ROBO2: variants seen among roughly 807,000 people sequenced by gnomAD.
ROBO2 encodes roundabout guidance receptor 2.
Under a neutral mutation model 160.8 loss-of-function variants are expected in ROBO2, and 53 were observed. The observed-to-expected ratio is 0.33, with a 90% CI of 0.26 to 0.41. The LOEUF (loss-of-function observed/expected upper bound fraction) is 0.41, where lower values mean the gene tolerates loss of function less well. Ranked by LOEUF, ROBO2 falls within the 10% of genes least tolerant of loss-of-function variation. ROBO2 has a pLI of 1.00. For missense variants in ROBO2, 1,577 were observed against 1,722.4 expected, an observed-to-expected ratio of 0.92 and a Z score of 1.49; for synonymous variants, 664 against 611.7, an observed-to-expected ratio of 1.09 and a Z score of -1.26.
chr3:76,608,804 C>T lies in ROBO2; in HGVS notation c.110-489210C>T, dbSNP rs2087855704. Among the ~76,000 whole-genome samples, 3 of 152,006 alleles carry T rather than the reference C, an allele frequency of 2.0e-5. 1 individual carries two copies. In the South Asian group the frequency reaches 6.2e-4, roughly 31 times the overall value. On this transcript the variant is annotated intron_variant, in intron 2 of 26. Coordinates refer to the ROBO2 transcript ENST00000487694. ...ATATGGATATCCAGTTTTTCCAGCA[C>T]CTTGTATTTTTTAAATTTTCATAGT...
rs2078083790 is a variant in ROBO2, at chr3:77,157,122, A to G, written c.388+58782A>G. The stretch of plus-strand genomic sequence containing the variant: ...GTTTGATACACACTAAATGTAGAAA[A>G]CCATATTGTTATACCACTGATTATA... On this transcript the variant is annotated intron_variant, in intron 2 of 25. Transcript: ENST00000461745. 1.3e-5 allele frequency among the ~76,000 whole-genome samples: 2 copies of G among 151,972 alleles called. 1 individual carries two copies. The highest frequency in any genetic ancestry group is 4.8e-5 in the African/African-American group (2 of 41,408).
intron 2 of ROBO2, among the ~76,000 whole-genome samples, chr3:76,065,129 T>G (rs2107916286): frequency 6.6e-6 from 1 of 152,198 alleles, no homozygotes; most frequent in South Asian, 2.1e-4. Context: ...AACGAAAAAT[T>G]TGGAGCCCAT....
intron 2 of ROBO2, among the ~76,000 whole-genome samples, chr3:76,577,106 G>A (rs1247914606): frequency 2.0e-5 from 3 of 151,962 alleles, no homozygotes; most frequent in Non-Finnish European, 2.9e-5. Flanking sequence ...TGGATTTTTG[G>A]TTTGAGGCTT....
chr3:77,207,774 A>G (rs2083614190), intron 2 of ROBO2, among the ~76,000 whole-genome samples: 1 of 152,188 alleles, frequency 6.6e-6, no homozygotes, highest in Middle Eastern at 3.2e-3. Context: ...AGTTAATGTG[A>G]GGCAATTGCA....
chr3:77,548,454 A>T (rs12491442), intron 7 of ROBO2, among the ~76,000 whole-genome samples: 115,304 of 151,894 alleles, frequency 0.76, 44,024 homozygotes, highest in African/African-American at 0.82. Context: ...TTATAATGTG[A>T]CTTGTTATTA....
At chr3:76,846,371 C>T (rs1205038069) in intron 2 of ROBO2, among the ~76,000 whole-genome samples, 1 of 151,916 alleles carries the variant, frequency 6.6e-6, no homozygotes, top group Non-Finnish European at 1.5e-5. Flanking sequence ...GATATTTGGC[C>T]CAAATTTTAC....
At position 77,391,414 on chromosome 3, in the gene ROBO2, G is replaced by A. The variant is rs752528123; in HGVS notation, c.389-86000G>A. 1.6e-4 allele frequency among the ~76,000 whole-genome samples: 24 copies of A among 151,824 alleles called. 1 individual carries two copies. Among genetic ancestry groups the A allele is most frequent in the Middle Eastern group, 3.4e-3 (1 of 294 alleles). ...CTCAACCTCCCCACCTCAAGCTGTC[G>A]TCCCAACTCAACCCCCAAGTAGCTT... On this transcript the variant is annotated intron_variant, in intron 2 of 25. Transcript: ENST00000461745.
intron 2 of ROBO2, among the ~76,000 whole-genome samples, chr3:76,332,280 T>A (rs934638474): frequency 2.0e-5 from 3 of 152,172 alleles, no homozygotes; most frequent in African/African-American, 7.2e-5. Flanking sequence ...TAACACCAAT[T>A]TGCTTTATGT....
chr3:76,955,847 G>T (rs1238636258), intron 2 of ROBO2, among the ~76,000 whole-genome samples: 1 of 147,500 alleles, frequency 6.8e-6, no homozygotes, highest in Admixed American at 6.8e-5. Context: ...AGAATCCCTT[G>T]AACCCGGGAG....
chr3:77,478,580 A>T (rs2084315529), intron 3 of ROBO2, among the ~76,000 whole-genome samples: 1 of 152,340 alleles, frequency 6.6e-6, no homozygotes. Flanking sequence ...GAACCAACCC[A>T]CAGAAATAGT....
intron 1 of ROBO2, among the ~76,000 whole-genome samples, chr3:77,097,730 C>A (rs2071281983): frequency 6.6e-6 from 1 of 152,038 alleles, no homozygotes; most frequent in African/African-American, 2.4e-5. Flanking sequence ...CCATGCTGAT[C>A]CCAGAAGAAC....
chr3:76,380,837 G>C (rs1444292398), intron 2 of ROBO2, among the ~76,000 whole-genome samples: 1 of 151,978 alleles, frequency 6.6e-6, no homozygotes, highest in Non-Finnish European at 1.5e-5. Context: ...TATGAAGAAA[G>C]GTATGAGATA....
intron 2 of ROBO2, among the ~76,000 whole-genome samples, chr3:77,453,845 T>C (rs1186603878): frequency 6.6e-6 from 1 of 152,112 alleles, no homozygotes; most frequent in Non-Finnish European, 1.5e-5. Flanking sequence ...ACTGCCAAAA[T>C]CAAAACCAAA....
In ROBO2 at chr3:76,887,193, C is replaced by CCTTTTTTTTTT. The variant is rs1178064382; in HGVS notation, c.110-210821_110-210820insCTTTTTTTTTT. Among the ~76,000 whole-genome samples, 819 of 120,236 alleles carry CCTTTTTTTTTT rather than the reference C, an allele frequency of 6.8e-3. 21 individuals carry two copies. The highest frequency in any genetic ancestry group is 0.016 in the South Asian group (57 of 3,598). The allele number at this position is 120,236 out of a possible 152,430, so 78.9% of individuals were successfully genotyped here. Reference sequence around the variant, plus strand: ...ATTGCCCTGCCTTTGCTTCAGGAAGCATTTTTTTTTTTTTTTTTTTTTTTT... The same window carrying CCTTTTTTTTTT: ...ATTGCCCTGCCTTTGCTTCAGGAAGCCTTTTTTTTTTATTTTTTTTTTTTTTTTTTTTTTTT... On this transcript the variant is annotated intron_variant, in intron 2 of 26. Coordinates refer to the ROBO2 transcript ENST00000487694.
chr3:77,200,323 TTTAGTTTCTA>T (rs2082785013), intron 2 of ROBO2, among the ~76,000 whole-genome samples: 1 of 49,664 alleles, frequency 2.0e-5, no homozygotes, highest in South Asian at 7.6e-4. Flanking sequence ...ATATATATAT[TTTAGTTTCTA>T]TAGGTAAAGG....
intron 2 of ROBO2, among the ~76,000 whole-genome samples, chr3:77,189,043 A>G (rs1245878434): frequency 6.6e-6 from 1 of 151,638 alleles, no homozygotes; most frequent in Non-Finnish European, 1.5e-5. Flanking sequence ...TTTTTCTTAT[A>G]TAAAATACGT....
intron 5 of ROBO2, among the ~76,000 whole-genome samples, chr3:77,509,750 C>T (rs114071421): frequency 2.6e-4 from 40 of 152,186 alleles, no homozygotes; most frequent in African/African-American, 8.7e-4. Context: ...CCTTCCTGCA[C>T]GTGTACAGCC....
chr3:77,574,614 G>C, exon 14 of ROBO2: 2 of 1,613,418 alleles, frequency 1.2e-6, no homozygotes, highest in African/African-American at 2.7e-5. Context: ...ACTGAACGAA[G>C]TGCTGTCTTA....
chr3:76,445,499 A>G (rs1232805800), intron 2 of ROBO2, among the ~76,000 whole-genome samples: 1 of 152,198 alleles, frequency 6.6e-6, no homozygotes, highest in Admixed American at 6.5e-5. Flanking sequence ...AAACTATTCC[A>G]ATCAATAGAA....
Sources: allele counts gnomAD v4.1 joint callset (sites outside exome capture counted in the v4.1 genomes callset), GRCh38; gene constraint gnomAD v4.1.1; transcripts MANE v1.5; gene names NCBI Gene and HGNC (gene_info 2026-07-23, HGNC 2026-07-21).